Variants in NRXN3 observed in about 807,000 individuals in gnomAD.
NRXN3 encodes the protein neurexin III.
NRXN3 carries 32 observed loss-of-function variants against 137.6 expected under a neutral mutation model. That is an observed-to-expected ratio of 0.23 (90% CI 0.18 to 0.31). The LOEUF (loss-of-function observed/expected upper bound fraction) is 0.31, where lower values mean the gene tolerates loss of function less well. Ranked by LOEUF, NRXN3 falls within the 10% of genes least tolerant of loss-of-function variation. The probability of loss-of-function intolerance (pLI) is 1.00; values close to 1 mark genes in which losing one functional copy is unlikely to be tolerated. For synonymous variants in NRXN3, 798 were observed against 784.5 expected (o/e 1.02, Z -0.29); for missense variants, 1,574 against 2,062.5 (o/e 0.76, Z 4.59).
chr14:78,179,842 G>GTTTTTTTTTTTTTTTTTTTTTTTT (rs796341902), intron 1 of NRXN3, among the ~76,000 whole-genome samples: 2 of 109,156 alleles, frequency 1.8e-5, no homozygotes, highest in Non-Finnish European at 3.8e-5. Context: ...CTGTTTTTTT[G>GTTTTTTTTTTTTTTTTTTTTTTTT]TTTTTTTTTT....
At chr14:79,730,945 G>C (rs892595592) in intron 19 of NRXN3, among the ~76,000 whole-genome samples, 3 of 152,112 alleles carry the variant, frequency 2.0e-5, no homozygotes, top group African/African-American at 7.2e-5. Context: ...GTAGGAAAGG[G>C]GGCATTAGCA....
chr14:78,670,456 A>T (rs1198427637), intron 6 of NRXN3, among the ~76,000 whole-genome samples: 1 of 152,098 alleles, frequency 6.6e-6, no homozygotes, highest in Admixed American at 6.5e-5. Flanking sequence ...TCATCCTGTG[A>T]CTTAGAATGC....
chr14:78,637,921 T>G (rs2152558067), intron 4 of NRXN3, among the ~76,000 whole-genome samples: 1 of 152,388 alleles, frequency 6.6e-6, no homozygotes, highest in Non-Finnish European at 1.5e-5. Context: ...TGTGAATCTT[T>G]ACTTTTTAAG....
chr14:79,798,045 G>A (rs1040833958), intron 19 of NRXN3, among the ~76,000 whole-genome samples: 1 of 151,666 alleles, frequency 6.6e-6, no homozygotes, highest in African/African-American at 2.4e-5. Flanking sequence ...AGGCTGCAGT[G>A]AGCCATGATT....
chr14:79,661,631 T>C (rs1435903330), intron 16 of NRXN3: 1 of 152,194 alleles, frequency 6.6e-6, no homozygotes, highest in Non-Finnish European at 1.5e-5. Context: ...GTGTATTTAA[T>C]GAATACATGA....
chr14:78,656,507 C>A lies in NRXN3; in HGVS notation c.1221+5181C>A, dbSNP rs4899718. On this transcript the variant is annotated intron_variant, in intron 6 of 20. Coordinates refer to ENST00000335750, the MANE Select transcript of NRXN3 (RefSeq NM_001330195.2). ...AAGGCCCAAATTATAAGACTGGGAG[C>A]TTTGGACTGGTAGCTGCGGTTAGGT... Among the ~76,000 whole-genome samples, 1,395 of 152,236 alleles carry A rather than the reference C, an allele frequency of 9.2e-3. 70 individuals are homozygous for A. The highest frequency in any genetic ancestry group is 0.085 in the Admixed American group (1,299 of 15,288).
At chr14:78,805,005 T>C (rs1213259647) in intron 9 of NRXN3, among the ~76,000 whole-genome samples, 1 of 152,186 alleles carries the variant, frequency 6.6e-6, no homozygotes, top group Non-Finnish European at 1.5e-5. Context: ...AGATCATATG[T>C]AGGCCCACAT....
chr14:79,342,271 T>G (rs886497582), intron 15 of NRXN3, among the ~76,000 whole-genome samples: 1 of 152,196 alleles, frequency 6.6e-6, no homozygotes, highest in East Asian at 1.9e-4. Context: ...GATGCTGGGT[T>G]GAAATAGTCT....
At chr14:78,827,050 C>A (rs1310813335) in intron 10 of NRXN3, among the ~76,000 whole-genome samples, 4 of 152,134 alleles carry the variant, frequency 2.6e-5, no homozygotes, top group Non-Finnish European at 5.9e-5. Context: ...ATGCCTATGT[C>A]ATGATATCTT....
rs528542815 is a variant in NRXN3, at chr14:79,206,589, G to A, written c.3262+218448G>A. ...TGAAGAGTAGGCATGCTCTAGAAAT[G>A]TTAACTGTTATCACCTTTTCTTGTG... On this transcript the variant is annotated intron_variant, in intron 15 of 20. Coordinates refer to ENST00000335750, the MANE Select transcript of NRXN3 (RefSeq NM_001330195.2). 2.0e-3 allele frequency among the ~76,000 whole-genome samples: 306 copies of A among 152,296 alleles called. 4 individuals are homozygous for A. Among genetic ancestry groups the A allele is most frequent in the Middle Eastern group, 0.014 (4 of 294 alleles).
At chr14:78,553,584 A>G (rs1262489838) in intron 4 of NRXN3, among the ~76,000 whole-genome samples, 2 of 152,196 alleles carry the variant, frequency 1.3e-5, no homozygotes, top group Non-Finnish European at 2.9e-5. Flanking sequence ...TTATTCATAC[A>G]TGGGACACTT....
rs540158538 is a variant in NRXN3 at position 79,117,748 on chromosome 14, G to T, written c.3262+129607G>T. Reference sequence around the variant, plus strand: ...CTCTTCCAGCATTTGTCAGAATCCAGTTATTAACCTGTCAGCCTCAGACAG... The same window carrying T: ...CTCTTCCAGCATTTGTCAGAATCCATTTATTAACCTGTCAGCCTCAGACAG... On this transcript the variant is annotated intron_variant, in intron 15 of 20. Coordinates refer to ENST00000335750, the MANE Select transcript of NRXN3 (RefSeq NM_001330195.2). Among the ~76,000 whole-genome samples, 4 of 152,252 alleles carry T rather than the reference G, an allele frequency of 2.6e-5. No homozygotes were observed. The East Asian group carries it at 7.7e-4, about 29-fold the overall frequency.
At chr14:79,715,909 G>A (rs1205851540) in intron 19 of NRXN3, among the ~76,000 whole-genome samples, 1 of 152,164 alleles carries the variant, frequency 6.6e-6, no homozygotes, top group Non-Finnish European at 1.5e-5. Context: ...CCTGCTGTAG[G>A]GATCATACTG....
chr14:79,765,490 G>T (rs1025344443), intron 19 of NRXN3, among the ~76,000 whole-genome samples: 3 of 152,102 alleles, frequency 2.0e-5, no homozygotes, highest in African/African-American at 7.2e-5. Flanking sequence ...ATAACCCTTT[G>T]CTGTGTGGTA....
At chr14:78,564,259 C>T (rs535506676) in intron 4 of NRXN3, among the ~76,000 whole-genome samples, 2 of 152,302 alleles carry the variant, frequency 1.3e-5, no homozygotes, top group East Asian at 3.9e-4. Context: ...TTGTCTCCGC[C>T]CTCTTTTGTC....
intron 15 of NRXN3, among the ~76,000 whole-genome samples, chr14:79,143,555 G>T (rs1300841032): frequency 1.3e-5 from 2 of 152,172 alleles, no homozygotes; most frequent in African/African-American, 2.4e-5. Context: ...TGATTGAAAA[G>T]AAAACACCAT....
intron 15 of NRXN3, among the ~76,000 whole-genome samples, chr14:79,112,920 G>C (rs896163237): frequency 2.7e-4 from 41 of 152,138 alleles, no homozygotes; most frequent in African/African-American, 8.4e-4. Context: ...GTTTAAAGTT[G>C]AGACGCAGTT....
chr14:79,064,249 C>T (rs950102549), intron 15 of NRXN3, among the ~76,000 whole-genome samples: 4 of 152,076 alleles, frequency 2.6e-5, no homozygotes, highest in African/African-American at 9.7e-5. Context: ...ACTACAATGC[C>T]AGCAGAAAGG....
At chr14:78,923,210 T>C (rs1337769549) in intron 10 of NRXN3, among the ~76,000 whole-genome samples, 1 of 152,198 alleles carries the variant, frequency 6.6e-6, no homozygotes, top group Admixed American at 6.6e-5. Flanking sequence ...GTGAAATACA[T>C]TGAATATCCT....
Sources: gnomAD v4.1 joint callset for allele counts (sites outside exome capture counted in the v4.1 genomes callset) on GRCh38, gnomAD v4.1.1 for gene constraint, MANE v1.5 for transcripts, NCBI Gene and HGNC (gene_info 2026-07-23, HGNC 2026-07-21) for gene names.